The following MRPS31 variants were observed in gnomAD, a reference collection of about 807,000 sequenced individuals.
The protein encoded by MRPS31 is small ribosomal subunit protein mS31.
MRPS31 carries 32 observed loss-of-function variants against 43.1 expected under a neutral mutation model. That is an observed-to-expected ratio of 0.74 (90% CI 0.56 to 1.00). MRPS31 has a LOEUF of 1.00. Among genes scored for constraint, MRPS31 ranks in the 50% least tolerant of loss-of-function variants. MRPS31 has a pLI of 0.00. For synonymous variants in MRPS31, 165 were observed against 161.6 expected, an observed-to-expected ratio of 1.02 and a Z score of -0.16; for missense variants, 437 against 466.7, an observed-to-expected ratio of 0.94 and a Z score of 0.59.
At chr13:40,759,136 A>G (rs761987347) in intron 2 of MRPS31, 30 bp from the exon 3 acceptor site, 8 of 1,531,628 alleles carry the variant, frequency 5.2e-6, no homozygotes, top group Non-Finnish European at 7.0e-6. Flanking sequence ...ACAAATGAGA[A>G]AGAAAAAAAA....
chr13:40,750,426 G>T (rs1880354017), intron 5 of MRPS31, among the ~76,000 whole-genome samples: 1 of 151,942 alleles, frequency 6.6e-6, no homozygotes. Context: ...ACTTTGGAGG[G>T]TCATGAAAAT....
At chr13:40,765,259 G>A (rs763000620) in intron 2 of MRPS31, among the ~76,000 whole-genome samples, 13 of 152,150 alleles carry the variant, frequency 8.5e-5, no homozygotes, top group Non-Finnish European at 1.6e-4. Context: ...AGTTTAAGTG[G>A]AAAAGTGGAG....
intron 5 of MRPS31, among the ~76,000 whole-genome samples, chr13:40,752,667 A>G (rs1213999180): frequency 2.6e-5 from 4 of 152,228 alleles, no homozygotes; most frequent in Admixed American, 2.0e-4. Context: ...AAAAGTTCGT[A>G]TAAGTAACTG....
chr13:40,759,476 CAA>C (rs1482239757), intron 2 of MRPS31, among the ~76,000 whole-genome samples: 1 of 151,588 alleles, frequency 6.6e-6, no homozygotes, highest in East Asian at 1.9e-4. Context: ...AAACAAAAAA[CAA>C]AAAAGAGAGA....
chr13:40,734,604 T>C (rs1394304135), intron 6 of MRPS31, among the ~76,000 whole-genome samples: 3 of 152,072 alleles, frequency 2.0e-5, no homozygotes, highest in African/African-American at 7.2e-5. Flanking sequence ...TGTCTTACCA[T>C]TAAACAGTTT....
At chr13:40,732,697 C>G (rs559067276) in intron 6 of MRPS31, among the ~76,000 whole-genome samples, 2 of 151,984 alleles carry the variant, frequency 1.3e-5, no homozygotes, top group Non-Finnish European at 2.9e-5. Flanking sequence ...GTGATCACAC[C>G]ACTGCACTCC....
intron 1 of MRPS31, among the ~76,000 whole-genome samples, chr13:40,767,664 C>G (rs1880889216): frequency 6.6e-6 from 1 of 152,160 alleles, no homozygotes; most frequent in Admixed American, 6.5e-5. Context: ...TCTGGGGGTG[C>G]TGGTGCTCCC....
In MRPS31 at chr13:40,771,130, G is replaced by C; in HGVS notation, c.7C>G (p.Pro3Ala). Residue 3 changes from proline (P) to alanine (A), a missense_variant, in exon 1 of 7, where the codon CCT becomes GCT. Coordinates refer to ENST00000323563, the MANE Select transcript of MRPS31 (RefSeq NM_005830.4). MF[P>A]RVSTFLPLRP... is the part of the protein sequence containing the mutation. ...AGAGGTAGGAACGTCGAGACTCTAG[G>C]AAACATCGCCGAGACACGAAATGAA... is the stretch of plus-strand genomic sequence containing the variant. 1.2e-6 allele frequency: 2 copies of C among 1,602,636 alleles called. No individual in the cohort carries two copies. The highest frequency in any genetic ancestry group is 1.7e-6 in the Non-Finnish European group (2 of 1,173,142).
At chr13:40,745,250 T>G (rs981069936) in intron 6 of MRPS31, among the ~76,000 whole-genome samples, 2 of 152,148 alleles carry the variant, frequency 1.3e-5, no homozygotes, top group Non-Finnish European at 2.9e-5. Flanking sequence ...TATTTTACTT[T>G]ATCTTATTTT....
At chr13:40,758,287 G>A (rs1178586485) in intron 3 of MRPS31, among the ~76,000 whole-genome samples, 1 of 152,068 alleles carries the variant, frequency 6.6e-6, no homozygotes, top group African/African-American at 2.4e-5. Flanking sequence ...TCAAATTCCT[G>A]GCCTCAAGTG....
At chr13:40,745,334 C>T (rs1880212993) in intron 6 of MRPS31, among the ~76,000 whole-genome samples, 1 of 152,096 alleles carries the variant, frequency 6.6e-6, no homozygotes, top group African/African-American at 2.4e-5. Context: ...CTCACCACAA[C>T]CTCTGCCTCC....
intron 6 of MRPS31, among the ~76,000 whole-genome samples, chr13:40,742,198 CATAAG>C (rs1214580224): frequency 1.1e-4 from 17 of 151,962 alleles, no homozygotes; most frequent in South Asian, 2.1e-4. Flanking sequence ...GTAAAGAAAA[CATAAG>C]AGACAGTGAA....
intron 6 of MRPS31, among the ~76,000 whole-genome samples, chr13:40,737,679 C>G (rs1342618652): frequency 6.6e-6 from 1 of 152,134 alleles, no homozygotes; most frequent in Non-Finnish European, 1.5e-5. Flanking sequence ...ACCTGCTCTT[C>G]AATGACTACT....
intron 6 of MRPS31, among the ~76,000 whole-genome samples, chr13:40,733,195 G>A (rs1354859189): frequency 6.6e-6 from 1 of 151,750 alleles, no homozygotes; most frequent in African/African-American, 2.4e-5. Context: ...GTAGAGATGG[G>A]GTTTCACCAT....
rs1880542333 is a variant in MRPS31, at chr13:40,756,889, C to A, written c.724G>T (p.Asp242Tyr). ...GCCTGATACCTTTTTTTAAGATCAT[C>A]CGTCTTCTCCTGGCCAGGATAATTG... ...YDNYPGQEKTDDLKKRKNIFT... is the reference protein window; with the variant it reads ...YDNYPGQEKTYDLKKRKNIFT... The change falls in exon 4 of 7, where the codon GAT becomes TAT. Residue 242 changes from aspartate to tyrosine, a missense_variant. Coordinates refer to ENST00000323563, the MANE Select transcript of MRPS31 (RefSeq NM_005830.4). The A allele has an allele frequency of 6.2e-7, 1 of 1,612,826 alleles. No individual in the cohort carries two copies. Among genetic ancestry groups the A allele is most frequent in the African/African-American group, 1.3e-5 (1 of 74,838 alleles).
chr13:40,733,559 T>C (rs574894195), intron 6 of MRPS31, among the ~76,000 whole-genome samples: 1 of 152,226 alleles, frequency 6.6e-6, no homozygotes, highest in African/African-American at 2.4e-5. Flanking sequence ...TCCTGAAACT[T>C]ATGAATATTA....
intron 2 of MRPS31, among the ~76,000 whole-genome samples, chr13:40,763,321 A>T (rs1397108838): frequency 6.6e-6 from 1 of 152,142 alleles, no homozygotes; most frequent in African/African-American, 2.4e-5. Flanking sequence ...TCACACAGTC[A>T]ATCATCTTAG....
intron 5 of MRPS31, chr13:40,749,534 T>A (rs1338107483): frequency 1.1e-5 from 3 of 266,230 alleles, no homozygotes; most frequent in African/African-American, 4.4e-5. Flanking sequence ...AAGAAAAAAA[T>A]AAATTTGTAT....
intron 6 of MRPS31, among the ~76,000 whole-genome samples, chr13:40,739,197 A>G (rs1051148540): frequency 2.0e-5 from 3 of 152,164 alleles, no homozygotes; most frequent in African/African-American, 7.2e-5. Flanking sequence ...AATTGCTTCA[A>G]AGAGAATAAA....
Sources: allele counts gnomAD v4.1 joint callset (sites outside exome capture counted in the v4.1 genomes callset), GRCh38; gene constraint gnomAD v4.1.1; transcripts MANE v1.5; gene names NCBI Gene and HGNC (gene_info 2026-07-23, HGNC 2026-07-21).